NCKAP5: variants seen among roughly 807,000 people sequenced by gnomAD.
NCKAP5 encodes nck-associated protein 5.
Under a neutral mutation model 167.0 loss-of-function variants are expected in NCKAP5, and 92 were observed. The observed-to-expected ratio is 0.55, with a 90% confidence interval of 0.47 to 0.66. The LOEUF (loss-of-function observed/expected upper bound fraction) is 0.66. NCKAP5 is among the 30% of genes least tolerant of loss of function. NCKAP5 has a pLI of 0.00. For missense variants in NCKAP5, 2,378 were observed against 2,315.0 expected (o/e 1.03, Z -0.56); for synonymous variants, 891 against 877.4 (o/e 1.02, Z -0.27).
chr2:133,155,596 C>T (rs2083547078), intron 5 of NCKAP5, among the ~76,000 whole-genome samples: 2 of 152,148 alleles, frequency 1.3e-5, no homozygotes, highest in Admixed American at 1.3e-4. Context: ...AGATATTTGG[C>T]CAAACATTAT....
intron 4 of NCKAP5, among the ~76,000 whole-genome samples, chr2:133,243,306 AG>A (rs1293527697): frequency 6.6e-6 from 1 of 152,192 alleles, no homozygotes; most frequent in Non-Finnish European, 1.5e-5. Context: ...ATGTATGATG[AG>A]ATTCTCAAAA....
chr2:133,071,428 G>C (rs1374384165), intron 6 of NCKAP5, among the ~76,000 whole-genome samples: 2 of 152,200 alleles, frequency 1.3e-5, no homozygotes, highest in African/African-American at 4.8e-5. Flanking sequence ...CTGGGCGACA[G>C]AGCGAGACTC....
intron 6 of NCKAP5, among the ~76,000 whole-genome samples, chr2:133,041,591 T>C (rs2079219536): frequency 1.3e-5 from 2 of 152,196 alleles, no homozygotes; most frequent in Admixed American, 1.3e-4. Context: ...GTATATGAAT[T>C]GGAATTTTCT....
upstream of NCKAP5, among the ~76,000 whole-genome samples, chr2:133,569,507 G>A (rs1208003038): frequency 2.0e-5 from 3 of 152,170 alleles, no homozygotes; most frequent in Admixed American, 2.0e-4. Flanking sequence ...GTCTTTGAGG[G>A]CTGCCTTGTA....
At chr2:133,217,923 A>G (rs2086501109) in intron 4 of NCKAP5, among the ~76,000 whole-genome samples, 1 of 152,134 alleles carries the variant, frequency 6.6e-6, no homozygotes, top group South Asian at 2.1e-4. Flanking sequence ...CGAAAAGTAC[A>G]ACTTCCATAG....
chr2:133,445,507 C>A (rs556005055), intron 3 of NCKAP5, among the ~76,000 whole-genome samples: 37 of 152,246 alleles, frequency 2.4e-4, no homozygotes, highest in African/African-American at 8.2e-4. Context: ...ATCCCAGAAC[C>A]CCTGACTTCA....
chr2:132,832,082 T>C (rs1687562926), intron 11 of NCKAP5, among the ~76,000 whole-genome samples: 1 of 152,170 alleles, frequency 6.6e-6, no homozygotes, highest in Admixed American at 6.5e-5. Flanking sequence ...GTTTTGAAAT[T>C]TGGTAGGCAA....
rs555960679 is a variant in NCKAP5, at chr2:132,764,086, T to C, written c.5128+9730A>G. On this transcript the variant is annotated intron_variant, in intron 16 of 19. Coordinates refer to ENST00000409261, the MANE Select transcript of NCKAP5 (RefSeq NM_207363.3). ...GTGAAAAAACAGAGGAAAGGAGTCA[T>C]AGACTAGGATTCAGTATGCTCATAA... 3.3e-5 allele frequency among the ~76,000 whole-genome samples: 5 copies of C among 152,258 alleles called. No homozygotes were observed. In the South Asian group the frequency reaches 1.0e-3, roughly 32 times the overall value.
chr2:133,671,219 A>AAC, the NCKAP5 span, among the ~76,000 whole-genome samples: 3 of 145,244 alleles, frequency 2.1e-5, no homozygotes, highest in African/African-American at 8.2e-5. Flanking sequence ...CGTCTCAAAA[A>AAC]AAAAAAAAAA....
chr2:132,768,144 G>A (rs1288168327), intron 16 of NCKAP5, among the ~76,000 whole-genome samples: 1 of 152,156 alleles, frequency 6.6e-6, no homozygotes, highest in Non-Finnish European at 1.5e-5. Flanking sequence ...TAAGTTGGTG[G>A]TAAATAACAT....
intron 6 of NCKAP5, among the ~76,000 whole-genome samples, chr2:133,129,037 CTT>C (rs2082501739): frequency 6.9e-6 from 1 of 145,376 alleles, no homozygotes; most frequent in African/African-American, 2.5e-5. Context: ...CATACTCTCT[CTT>C]TGTCTTAAAA....
intron 2 of NCKAP5, among the ~76,000 whole-genome samples, chr2:133,522,144 C>T (rs910694227): frequency 6.6e-6 from 1 of 152,148 alleles, no homozygotes; most frequent in Admixed American, 6.5e-5. Flanking sequence ...AAAGAAGAAG[C>T]CATTCTGCTT....
chr2:133,351,630 A>G (rs1390422700), intron 3 of NCKAP5, among the ~76,000 whole-genome samples: 6 of 152,124 alleles, frequency 3.9e-5, no homozygotes, highest in Non-Finnish European at 8.8e-5. Flanking sequence ...CACAAGGAGG[A>G]GGTAATGCTC....
chr2:133,176,082 T>G (rs1225474068), intron 5 of NCKAP5, among the ~76,000 whole-genome samples: 1 of 152,176 alleles, frequency 6.6e-6, no homozygotes, highest in Non-Finnish European at 1.5e-5. Context: ...GTCTATTCAG[T>G]GGAGACCGCA....
chr2:132,860,762 C>A (rs537063732), intron 10 of NCKAP5, among the ~76,000 whole-genome samples, 151 bp from the exon 11 acceptor site: 64 of 152,264 alleles, frequency 4.2e-4, no homozygotes, highest in African/African-American at 1.5e-3. Context: ...CGTTTTCGTC[C>A]ACAGACCATT....
chr2:133,429,047 T>C (rs781425880), intron 3 of NCKAP5, among the ~76,000 whole-genome samples: 1 of 152,082 alleles, frequency 6.6e-6, no homozygotes, highest in Non-Finnish European at 1.5e-5. Flanking sequence ...CAAGACCACA[T>C]AGGATTTATG....
chr2:133,437,129 G>A (rs573888979), intron 3 of NCKAP5, among the ~76,000 whole-genome samples: 5 of 152,150 alleles, frequency 3.3e-5, no homozygotes, highest in African/African-American at 1.2e-4. Flanking sequence ...CGAGGCGGGC[G>A]GATCACGAGA....
intron 8 of NCKAP5, among the ~76,000 whole-genome samples, chr2:132,879,549 G>T (rs967462326): frequency 2.6e-5 from 4 of 152,074 alleles, no homozygotes; most frequent in Non-Finnish European, 5.9e-5. Flanking sequence ...TAAGGGGAAA[G>T]AAAAGTAATC....
At position 132,672,874 on chromosome 2, in the gene NCKAP5, C is replaced by T. The variant is rs907131975; in HGVS notation, c.*415G>A. The T allele has an allele frequency of 3.4e-5, 25 of 731,208 alleles. No homozygotes were observed. The African/African-American group carries it at 4.2e-4, about 12-fold the overall frequency. 45.3% of individuals were successfully genotyped at this position (731,208 alleles called of 1,614,324 possible). ...TTTATTGCCCTGTCAGAGAAATAAG[C>T]TCTGGTGGGTTGCCTGCTGTGAATT... On this transcript the variant is annotated 3_prime_UTR_variant, in exon 20 of 20. Transcript: ENST00000409261.
Sources: gnomAD v4.1 joint callset for allele counts (sites outside exome capture counted in the v4.1 genomes callset) on GRCh38, gnomAD v4.1.1 for gene constraint, MANE v1.5 for transcripts, NCBI Gene and HGNC (gene_info 2026-07-23, HGNC 2026-07-21) for gene names.